Variants in PLXDC2 observed in about 807,000 individuals in gnomAD.
PLXDC2 encodes the protein plexin domain-containing protein 2.
A neutral mutation model predicts 68.9 loss-of-function variants in PLXDC2; 40 were observed. The ratio of observed to expected loss-of-function variants is 0.58; its 90% confidence interval spans 0.45 to 0.76. The LOEUF (loss-of-function observed/expected upper bound fraction) is 0.76. PLXDC2 is among the 30% of genes least tolerant of loss of function. The probability of loss-of-function intolerance (pLI) is 0.00; values close to 1 mark genes in which losing one functional copy is unlikely to be tolerated. For synonymous variants in PLXDC2, 243 were observed against 234.2 expected (o/e 1.04, Z -0.34); for missense variants, 644 against 661.9 (o/e 0.97, Z 0.30).
rs554390114 is a variant in PLXDC2, at chr10:19,901,494, C to T, written c.112+84303C>T. 5.3e-5 allele frequency among the ~76,000 whole-genome samples: 8 copies of T among 152,242 alleles called. No individual in the cohort carries two copies. In the South Asian group the frequency reaches 1.0e-3, roughly 20 times the overall value. ...TATCTTCTTTTGAGAATTGTCTATT[C>T]GTGTCCTTAGCCTACTTTTTGATGG... On this transcript the variant is annotated intron_variant, in intron 1 of 13. Transcript: ENST00000377252.
At chr10:19,883,351 T>A (rs1463908894) in intron 1 of PLXDC2, among the ~76,000 whole-genome samples, 1 of 152,238 alleles carries the variant, frequency 6.6e-6, no homozygotes, top group African/African-American at 2.4e-5. Flanking sequence ...TAGTTAGCTA[T>A]AAGGTAGCCT....
chr10:20,252,911 T>C (rs1471678352), intron 13 of PLXDC2, among the ~76,000 whole-genome samples: 2 of 152,194 alleles, frequency 1.3e-5, no homozygotes, highest in East Asian at 3.8e-4. Flanking sequence ...TCGCTTGAGC[T>C]CAGGAGGTGG....
chr10:20,195,985 C>G (rs1188567311), intron 9 of PLXDC2, among the ~76,000 whole-genome samples: 9 of 152,090 alleles, frequency 5.9e-5, no homozygotes, highest in Non-Finnish European at 1.0e-4. Context: ...CTCTTTTCCC[C>G]CTTTATGCAT....
chr10:19,905,447 A>G (rs1833139030), intron 1 of PLXDC2, among the ~76,000 whole-genome samples: 1 of 152,194 alleles, frequency 6.6e-6, no homozygotes, highest in Non-Finnish European at 1.5e-5. Flanking sequence ...GAAATAAGCA[A>G]TTAAAGGTTG....
intron 2 of PLXDC2, among the ~76,000 whole-genome samples, chr10:20,039,258 A>G (rs1835635067): frequency 6.6e-6 from 1 of 152,204 alleles, no homozygotes; most frequent in African/African-American, 2.4e-5. Context: ...ATGTTTCTAT[A>G]AAACACTTAC....
rs114076824 is a variant in PLXDC2, at chr10:19,912,954, A to G, written c.113-88821A>G. 9.6e-3 allele frequency among the ~76,000 whole-genome samples: 1,463 copies of G among 152,290 alleles called. 19 individuals carry two copies. Among genetic ancestry groups the G allele is most frequent in the African/African-American group, 0.033 (1,389 of 41,548 alleles). On this transcript the variant is annotated intron_variant, in intron 1 of 13. Coordinates refer to ENST00000377252, the MANE Select transcript of PLXDC2 (RefSeq NM_032812.9). ...TGCACCTCTTTCCTAAGGCAGTTTA[A>G]TTATGAAAAATACAGCTGAAAGACT...
intron 10 of PLXDC2, among the ~76,000 whole-genome samples, chr10:20,215,082 G>GCAAGAATGATCCATAAGAA (rs1304722652): frequency 3.9e-5 from 6 of 152,220 alleles, no homozygotes; most frequent in Middle Eastern, 3.4e-3. Context: ...AAGTGACAGA[G>GCAAGAATGATCCATAAGAA]CAAGAATGAT....
At chr10:19,834,272 T>A (rs1589491039) in intron 1 of PLXDC2, among the ~76,000 whole-genome samples, 1 of 151,980 alleles carries the variant, frequency 6.6e-6, no homozygotes, top group East Asian at 1.9e-4. Flanking sequence ...AAGGAAGCCT[T>A]TGGCAAGGCC....
Position 19,952,930 on chromosome 10 carries a change from T to C in PLXDC2, c.113-48845T>C, listed in dbSNP as rs1834013488. ...TTCTTCTTTTTTTTTGTTTTGATGA[T>C]CTCAGCTCACTGCAACTTCCACATC... On this transcript the variant is annotated intron_variant, in intron 1 of 13. Transcript: ENST00000377252. Among the ~76,000 whole-genome samples the C allele has an allele frequency of 2.0e-5, 3 of 152,282 alleles. No individual in the cohort carries two copies. The South Asian group carries it at 6.2e-4, about 32-fold the overall frequency.
intron 1 of PLXDC2, among the ~76,000 whole-genome samples, chr10:19,952,012 G>C (rs1176382574): frequency 6.6e-6 from 1 of 152,106 alleles, no homozygotes; most frequent in Non-Finnish European, 1.5e-5. Context: ...GGGGAAGGAA[G>C]GGGAGCCAGA....
chr10:20,046,790 G>T, intron 2 of PLXDC2, 79 bp from the exon 3 acceptor site: 1 of 1,390,296 alleles, frequency 7.2e-7, no homozygotes, highest in Non-Finnish European at 9.7e-7. Flanking sequence ...TAATACTCTT[G>T]AGTTCAATAG....
In PLXDC2 at chr10:19,965,199, G is replaced by T. The variant is rs557841743; in HGVS notation, c.113-36576G>T. 2.6e-5 allele frequency among the ~76,000 whole-genome samples: 4 copies of T among 152,228 alleles called. No homozygotes were observed. The South Asian group carries it at 8.3e-4, about 32-fold the overall frequency. On this transcript the variant is annotated intron_variant, in intron 1 of 13. Transcript: ENST00000377252. ...AACTAGATGATCCATTAGAATCTTTGACTTCCTAAAAATGTTTCTATCACT... is the reference window on the plus strand; with the variant it reads ...AACTAGATGATCCATTAGAATCTTTTACTTCCTAAAAATGTTTCTATCACT...
intron 3 of PLXDC2, among the ~76,000 whole-genome samples, chr10:20,067,341 T>C (rs1280076466): frequency 1.3e-5 from 2 of 151,936 alleles, no homozygotes; most frequent in East Asian, 1.9e-4. Flanking sequence ...TTTCTAAGAG[T>C]GGACACAATA....
At chr10:20,083,543 C>A (rs986732379) in intron 4 of PLXDC2, among the ~76,000 whole-genome samples, 48 of 149,940 alleles carry the variant, frequency 3.2e-4, no homozygotes, top group East Asian at 7.8e-4. Flanking sequence ...ATTTAAAATT[C>A]TTTTTGGTAA....
chr10:19,819,377 A>G (rs147691992), intron 1 of PLXDC2, among the ~76,000 whole-genome samples: 2 of 152,186 alleles, frequency 1.3e-5, no homozygotes, highest in African/African-American at 2.4e-5. Context: ...TGAAAAAAAT[A>G]TTGTAATTAA....
chr10:19,856,621 CT>C (rs1837219685), intron 1 of PLXDC2, among the ~76,000 whole-genome samples: 1 of 152,190 alleles, frequency 6.6e-6, no homozygotes, highest in South Asian at 2.1e-4. Context: ...CTCATTTCGT[CT>C]TTTTACATCC....
At chr10:19,881,718 A>G (rs1242034865) in intron 1 of PLXDC2, among the ~76,000 whole-genome samples, 2 of 152,232 alleles carry the variant, frequency 1.3e-5, no homozygotes, top group South Asian at 2.1e-4. Context: ...ACAGTACTAA[A>G]TAAAATTTGC....
intron 2 of PLXDC2, among the ~76,000 whole-genome samples, chr10:20,026,326 G>C (rs1356131372): frequency 6.6e-6 from 1 of 151,856 alleles, no homozygotes; most frequent in Non-Finnish European, 1.5e-5. Flanking sequence ...AATCTAAAAA[G>C]GCAGCTGGTT....
Position 20,283,735 on chromosome 10 carries a change from A to G in PLXDC2, c.*3916A>G, listed in dbSNP as rs754399350. 2.6e-5 allele frequency: 4 copies of G among 152,196 alleles called. No homozygotes were observed. Among genetic ancestry groups the G allele is most frequent in the Non-Finnish European group, 4.4e-5 (3 of 68,040 alleles). 9.4% of individuals were successfully genotyped at this position (152,196 alleles called of 1,614,324 possible). On this transcript the variant is annotated 3_prime_UTR_variant, in exon 14 of 14. Coordinates refer to ENST00000377252, the MANE Select transcript of PLXDC2 (RefSeq NM_032812.9). Reference sequence around the variant, plus strand: ...TATGATTTCCTATTTTACACTTAACAGCAAAAGGAGGCTTCCATTTAGAAG... The same window carrying G: ...TATGATTTCCTATTTTACACTTAACGGCAAAAGGAGGCTTCCATTTAGAAG...
Sources: gnomAD v4.1 joint callset for allele counts (sites outside exome capture counted in the v4.1 genomes callset) on GRCh38, gnomAD v4.1.1 for gene constraint, MANE v1.5 for transcripts, NCBI Gene and HGNC (gene_info 2026-07-23, HGNC 2026-07-21) for gene names.